The following TMEM132D variants were observed in gnomAD, a reference collection of about 807,000 sequenced individuals.
The protein encoded by TMEM132D is transmembrane protein 132D.
A neutral mutation model predicts 62.3 loss-of-function variants in TMEM132D; 21 were observed. The ratio of observed to expected loss-of-function variants is 0.34; its 90% CI spans 0.24 to 0.49. The LOEUF (loss-of-function observed/expected upper bound fraction) is 0.49, where lower values mean the gene tolerates loss of function less well. TMEM132D is among the 20% of genes least tolerant of loss of function. TMEM132D has a pLI of 0.99. For synonymous variants in TMEM132D, 621 were observed against 575.6 expected (o/e 1.08, Z -1.13); for missense variants, 1,346 against 1,402.8 (o/e 0.96, Z 0.65).
chr12:129,350,226 A>G (rs997414520), intron 3 of TMEM132D, among the ~76,000 whole-genome samples: 2 of 152,200 alleles, frequency 1.3e-5, no homozygotes, highest in Non-Finnish European at 2.9e-5. Context: ...TATGGAAATC[A>G]AAGACTTCTC....
intron 1 of TMEM132D, among the ~76,000 whole-genome samples, chr12:129,705,457 A>T (rs560110932): frequency 3.3e-5 from 5 of 152,338 alleles, no homozygotes; most frequent in African/African-American, 1.2e-4. Context: ...ATTTGCATCC[A>T]CTGTACAAAA....
At position 129,088,588 on chromosome 12, in the gene TMEM132D, G is replaced by A. The variant is rs1370641724; in HGVS notation, c.1444-3886C>T. The stretch of plus-strand genomic sequence containing the variant: ...CCCTGACCGGGTGTCCTCCATGACC[G>A]GGGTGTCCTCCATGACCGGGTGTCC... On this transcript the variant is annotated intron_variant, in intron 5 of 8. Transcript: ENST00000422113. Among the ~76,000 whole-genome samples the A allele has an allele frequency of 1.4e-4, 3 of 20,830 alleles. 1 individual carries two copies. Among genetic ancestry groups the A allele is most frequent in the African/African-American group, 3.2e-4 (1 of 3,172 alleles). The allele number at this position is 20,830 out of a possible 152,430, so 13.7% of individuals were successfully genotyped here. A position where few individuals can be genotyped will look rare whatever the true frequency, so the allele number is the denominator to read the frequency against.
At chr12:129,692,658 T>A (rs1259134505) in intron 2 of TMEM132D, among the ~76,000 whole-genome samples, 1 of 152,208 alleles carries the variant, frequency 6.6e-6, no homozygotes, top group African/African-American at 2.4e-5. Context: ...CATGGGATAC[T>A]ATGCAGCCGT....
At chr12:129,508,652 A>T (rs1389012970) in intron 3 of TMEM132D, among the ~76,000 whole-genome samples, 1 of 152,140 alleles carries the variant, frequency 6.6e-6, no homozygotes. Context: ...ATCTCACCAG[A>T]TTATTATAAA....
At chr12:129,557,763 G>A (rs931312327) in intron 2 of TMEM132D, among the ~76,000 whole-genome samples, 6 of 152,176 alleles carry the variant, frequency 3.9e-5, no homozygotes, top group Admixed American at 1.3e-4. Flanking sequence ...TTCTGACATT[G>A]AGCATGGGGC....
intron 3 of TMEM132D, among the ~76,000 whole-genome samples, chr12:129,369,068 T>C (rs1385586417): frequency 6.6e-6 from 1 of 152,182 alleles, no homozygotes; most frequent in Non-Finnish European, 1.5e-5. Flanking sequence ...AAGGAGTAGC[T>C]ACCTTCATCT....
chr12:129,733,032 T>G (rs1426131234), intron 1 of TMEM132D, among the ~76,000 whole-genome samples: 3 of 152,350 alleles, frequency 2.0e-5, no homozygotes, highest in African/African-American at 7.2e-5. Context: ...CCCACCCCTC[T>G]GACCTCACAC....
chr12:129,252,855 G>A (rs1392316305), intron 4 of TMEM132D, among the ~76,000 whole-genome samples: 1 of 152,028 alleles, frequency 6.6e-6, no homozygotes, highest in African/African-American at 2.4e-5. Flanking sequence ...GGAATACTAT[G>A]CAGCCATAAA....
At chr12:129,666,099 C>T (rs1880372226) in intron 2 of TMEM132D, among the ~76,000 whole-genome samples, 1 of 152,168 alleles carries the variant, frequency 6.6e-6, no homozygotes, top group Admixed American at 6.5e-5. Context: ...AAAGTATTTC[C>T]CTCCTCTTGG....
chr12:129,212,236 A>G (rs773315275), intron 4 of TMEM132D: 1 of 152,250 alleles, frequency 6.6e-6, no homozygotes, highest in African/African-American at 2.4e-5. Context: ...ACTGATGAGC[A>G]GCTGTAAGCC....
chr12:129,209,317 C>G (rs1878954655), intron 5 of TMEM132D, among the ~76,000 whole-genome samples: 3 of 152,148 alleles, frequency 2.0e-5, no homozygotes, highest in Admixed American at 2.0e-4. Context: ...CTCGGAGTCA[C>G]CAGCCAGAGC....
intron 5 of TMEM132D, among the ~76,000 whole-genome samples, chr12:129,166,159 TG>T (rs1877539245): frequency 6.6e-6 from 1 of 152,202 alleles, no homozygotes; most frequent in South Asian, 2.1e-4. Flanking sequence ...CAAACTCAAA[TG>T]CCCACAGGGC....
At chr12:129,176,408 T>C (rs1593286178) in intron 5 of TMEM132D, among the ~76,000 whole-genome samples, 1 of 152,222 alleles carries the variant, frequency 6.6e-6, no homozygotes. Flanking sequence ...AACAGAGGGA[T>C]GTAGCCACCA....
chr12:129,706,512 A>C (rs1881509675), intron 1 of TMEM132D, among the ~76,000 whole-genome samples: 1 of 152,002 alleles, frequency 6.6e-6, no homozygotes, highest in Admixed American at 6.5e-5. Context: ...TTAAAATTAC[A>C]AGTAGAAATT....
intron 8 of TMEM132D, among the ~76,000 whole-genome samples, chr12:129,077,003 T>G (rs1874282569): frequency 6.6e-6 from 1 of 152,250 alleles, no homozygotes; most frequent in Admixed American, 6.5e-5. Flanking sequence ...AGAATTCGAT[T>G]CTGTTATTGG....
At chr12:129,398,834 T>TCATCCATCCATC (rs138005852) in intron 3 of TMEM132D, among the ~76,000 whole-genome samples, 1 of 71,266 alleles carries the variant, frequency 1.4e-5, no homozygotes, top group Non-Finnish European at 3.6e-5. Context: ...ATTTATGTAT[T>TCATCCATCCATC]CATCCATCCA....
intron 1 of TMEM132D, among the ~76,000 whole-genome samples, chr12:129,892,831 A>G (rs1217889929): frequency 1.3e-5 from 2 of 151,992 alleles, no homozygotes; most frequent in African/African-American, 4.8e-5. Flanking sequence ...CACACTCACG[A>G]AGTGGCCTGA....
intron 4 of TMEM132D, among the ~76,000 whole-genome samples, chr12:129,246,278 CA>C (rs1256486853): frequency 1.3e-5 from 2 of 152,122 alleles, no homozygotes; most frequent in South Asian, 4.1e-4. Context: ...AGGCAATACT[CA>C]AAATCTGGGG....
chr12:129,286,264 C>T (rs80295383), intron 4 of TMEM132D, among the ~76,000 whole-genome samples: 54 of 152,236 alleles, frequency 3.5e-4, no homozygotes, highest in Admixed American at 1.6e-3. Flanking sequence ...CCAAAATATA[C>T]GTGGGCATTG....
Sources: allele counts gnomAD v4.1 joint callset (sites outside exome capture counted in the v4.1 genomes callset), GRCh38; gene constraint gnomAD v4.1.1; transcripts MANE v1.5; gene names NCBI Gene and HGNC (gene_info 2026-07-23, HGNC 2026-07-21).